Variants in CDH18 observed in about 807,000 individuals in gnomAD.
The protein encoded by CDH18 is cadherin 18.
A neutral mutation model predicts 67.9 loss-of-function variants in CDH18; 31 were observed. That is an observed-to-expected ratio of 0.46 (90% CI 0.34 to 0.62). CDH18 has a LOEUF of 0.62. Among genes scored for constraint, CDH18 ranks in the 20% least tolerant of loss-of-function variants. The pLI is 0.01. For synonymous variants in CDH18, 362 were observed against 347.2 expected (o/e 1.04, Z -0.48); for missense variants, 890 against 975.5 (o/e 0.91, Z 1.17).
intron 2 of CDH18, among the ~76,000 whole-genome samples, chr5:20,097,762 C>A (rs1417952499): frequency 6.6e-6 from 1 of 152,024 alleles, no homozygotes; most frequent in South Asian, 2.1e-4. Flanking sequence ...AGTCACTATT[C>A]TTTTGCAAAT....
chr5:19,669,435 G>A (rs1198142996), intron 5 of CDH18, among the ~76,000 whole-genome samples: 1 of 151,744 alleles, frequency 6.6e-6, no homozygotes, highest in Non-Finnish European at 1.5e-5. Flanking sequence ...TGGGATTACA[G>A]GCACATGCCA....
rs187193930 is a variant in CDH18 at position 19,530,679 on chromosome 5, C to T, written c.1391-9901G>A. 3.5e-3 allele frequency among the ~76,000 whole-genome samples: 531 copies of T among 152,056 alleles called. 1 individual carries two copies. Among genetic ancestry groups the T allele is most frequent in the African/African-American group, 0.012 (485 of 41,484 alleles). ...ATTCCCACCTATGAGTGAGAACATG[C>T]GGTGTTTGGCTTTTTGTCCTTGGGA... On this transcript the variant is annotated intron_variant, in intron 9 of 12. Transcript: ENST00000382275.
At chr5:20,051,685 A>G (rs1053367777) in intron 2 of CDH18, among the ~76,000 whole-genome samples, 1 of 152,046 alleles carries the variant, frequency 6.6e-6, no homozygotes, top group Non-Finnish European at 1.5e-5. Flanking sequence ...GAGAATGATA[A>G]TTTAAAGCTG....
intron 2 of CDH18, among the ~76,000 whole-genome samples, chr5:20,005,534 T>C (rs904113158): frequency 1.3e-5 from 2 of 151,880 alleles, no homozygotes; most frequent in Non-Finnish European, 2.9e-5. Context: ...GACTGTTCTT[T>C]GTCAACAATT....
chr5:19,579,423 A>G (rs953171869), intron 7 of CDH18, among the ~76,000 whole-genome samples: 1 of 151,054 alleles, frequency 6.6e-6, no homozygotes, highest in African/African-American at 2.4e-5. Context: ...TTTGTTTTAG[A>G]TACATCTGGT....
intron 5 of CDH18, among the ~76,000 whole-genome samples, chr5:19,699,796 A>C (rs1762999468): frequency 6.6e-6 from 1 of 152,042 alleles, no homozygotes; most frequent in South Asian, 2.1e-4. Flanking sequence ...AACTGTGAGA[A>C]ATGTTTGTTG....
intron 12 of CDH18, among the ~76,000 whole-genome samples, chr5:19,474,366 A>G (rs528373681): frequency 6.6e-6 from 1 of 152,246 alleles, no homozygotes; most frequent in East Asian, 1.9e-4. Flanking sequence ...TTTTTGATTT[A>G]TGAATGTTCT....
At chr5:20,463,018 G>T (rs1751380233) in intron 1 of CDH18, among the ~76,000 whole-genome samples, 1 of 152,132 alleles carries the variant, frequency 6.6e-6, no homozygotes, top group African/African-American at 2.4e-5. Flanking sequence ...ACATAGTTGA[G>T]AAAATATCAC....
chr5:20,010,350 T>C (rs760374402), intron 2 of CDH18, among the ~76,000 whole-genome samples: 33 of 151,896 alleles, frequency 2.2e-4, no homozygotes, highest in Non-Finnish European at 4.4e-4. Context: ...GCTGGGATTA[T>C]AGGCATGCAC....
chr5:20,342,265 T>A (rs541834786), intron 1 of CDH18, among the ~76,000 whole-genome samples: 6 of 152,110 alleles, frequency 3.9e-5, no homozygotes, highest in African/African-American at 1.4e-4. Flanking sequence ...CTGGGGACAC[T>A]AAGTTTGTAA....
At chr5:19,552,392 C>G (rs1341864205) in intron 8 of CDH18, among the ~76,000 whole-genome samples, 3 of 152,014 alleles carry the variant, frequency 2.0e-5, no homozygotes, top group Non-Finnish European at 2.9e-5. Flanking sequence ...ATCTTTTAGA[C>G]TTCAGTTTAA....
intron 2 of CDH18, among the ~76,000 whole-genome samples, chr5:19,994,736 TATAGAGAGAGAGAG>T (rs1417613940): frequency 3.1e-3 from 28 of 8,950 alleles, no homozygotes; most frequent in Non-Finnish European, 3.5e-3. Flanking sequence ...TATATATATA[TATAGAGAGAGAGAG>T]AGAGAGAGAG....
intron 1 of CDH18, among the ~76,000 whole-genome samples, chr5:20,436,311 A>G (rs375944005): frequency 6.6e-6 from 1 of 151,952 alleles, no homozygotes. Flanking sequence ...TCCTGTCCAC[A>G]CTTTAAAGTG....
chr5:19,586,407 G>A (rs986740367), intron 7 of CDH18, among the ~76,000 whole-genome samples: 2 of 151,876 alleles, frequency 1.3e-5, no homozygotes, highest in African/African-American at 4.8e-5. Flanking sequence ...AACCCTATGT[G>A]TCCATGTATT....
intron 1 of CDH18, among the ~76,000 whole-genome samples, chr5:20,284,863 G>C (rs920042661): frequency 6.6e-5 from 10 of 151,842 alleles, no homozygotes; most frequent in Non-Finnish European, 5.9e-5. Context: ...CTGTTTCATA[G>C]CCATAGTGTA....
At chr5:20,128,849 C>G (rs1171784419) in intron 2 of CDH18, among the ~76,000 whole-genome samples, 1 of 151,840 alleles carries the variant, frequency 6.6e-6, no homozygotes, top group Non-Finnish European at 1.5e-5. Context: ...TTTTTTTCCC[C>G]TAGACTCTCA....
chr5:20,150,474 T>G (rs2126565231), intron 2 of CDH18, among the ~76,000 whole-genome samples: 1 of 152,090 alleles, frequency 6.6e-6, no homozygotes, highest in South Asian at 2.1e-4. Context: ...CACAAAAAAG[T>G]AATTATTATA....
chr5:19,517,956 A>T (rs1323069218), intron 10 of CDH18, among the ~76,000 whole-genome samples: 1 of 151,676 alleles, frequency 6.6e-6, no homozygotes, highest in Non-Finnish European at 1.5e-5. Context: ...GAGATACTGT[A>T]TTTTCTTAAA....
At chr5:20,012,978 G>A (rs1245344487) in intron 2 of CDH18, among the ~76,000 whole-genome samples, 1 of 152,048 alleles carries the variant, frequency 6.6e-6, no homozygotes, top group African/African-American at 2.4e-5. Flanking sequence ...ATATCTTGGT[G>A]ATTAAATAAT....
Sources: gnomAD v4.1 joint callset for allele counts (sites outside exome capture counted in the v4.1 genomes callset) on GRCh38, gnomAD v4.1.1 for gene constraint, MANE v1.5 for transcripts, NCBI Gene and HGNC (gene_info 2026-07-23, HGNC 2026-07-21) for gene names.